The following WDPCP variants were observed in gnomAD, a reference collection of about 807,000 sequenced individuals.
WDPCP encodes the protein WD repeat containing planar cell polarity effector.
Under a neutral mutation model 93.1 loss-of-function variants are expected in WDPCP, and 71 were observed. That is an observed-to-expected ratio of 0.76 (90% confidence interval 0.63 to 0.93). WDPCP has a LOEUF of 0.93. Ranked by LOEUF, WDPCP falls within the 40% of genes least tolerant of loss-of-function variation. The pLI, the probability that WDPCP is intolerant of heterozygous loss-of-function variation, is 0.00. For synonymous variants in WDPCP, 315 were observed against 315.0 expected (o/e 1.00, Z 0.00); for missense variants, 844 against 887.4 (o/e 0.95, Z 0.62).
chr2:63,280,173 C>A (rs1683419128), intron 13 of WDPCP, among the ~76,000 whole-genome samples: 2 of 152,104 alleles, frequency 1.3e-5, no homozygotes, highest in Admixed American at 1.3e-4. Flanking sequence ...TTGCATGCTG[C>A]TGATAAAGAC....
At chr2:63,177,934 G>T (rs1035507937) in intron 14 of WDPCP, among the ~76,000 whole-genome samples, 2 of 152,112 alleles carry the variant, frequency 1.3e-5, no homozygotes, top group African/African-American at 2.4e-5. Flanking sequence ...TAGCATGAAA[G>T]AACATCAAAT....
rs748526293 is a variant in WDPCP, at chr2:63,313,254, G to T, written c.1806C>A (p.Leu602=). 1 of 1,613,530 alleles carries T rather than the reference G, an allele frequency of 6.2e-7. No homozygotes were observed. Among genetic ancestry groups the T allele is most frequent in the East Asian group, 2.2e-5 (1 of 44,814 alleles). The change falls in exon 13 of 18, where the codon CTC becomes CTA. Residue 602 remains leucine, a synonymous_variant. Coordinates refer to ENST00000272321, the MANE Select transcript of WDPCP (RefSeq NM_015910.7). ...ATCTCTGAAAATGACTCACCATAAA[G>T]AGGTCACGAGCACCAACGTCAACAG... ...LLAVDVGARD[L]FMDIHYLALD...
chr2:63,124,092 A>C (rs1456856850), intron 17 of WDPCP, among the ~76,000 whole-genome samples: 1 of 150,622 alleles, frequency 6.6e-6, no homozygotes, highest in African/African-American at 2.4e-5. Flanking sequence ...GATAGGCATG[A>C]AGTTTTTTTT....
At chr2:63,378,552 C>A in intron 11 of WDPCP, 43 bp from the exon 12 acceptor site, 2 of 1,612,122 alleles carry the variant, frequency 1.2e-6, no homozygotes, top group Non-Finnish European at 1.7e-6. Context: ...AGTGAAAACT[C>A]CTTCAATTAC....
rs146632441 is a variant in WDPCP, at chr2:63,440,002, A to G, written c.385-131T>C. 5.4e-3 allele frequency: 3,628 copies of G among 667,350 alleles called. 29 individuals carry two copies. The highest frequency in any genetic ancestry group is 3.9e-3 in the Non-Finnish European group (1,476 of 377,160). 41.3% of individuals were successfully genotyped at this position (667,350 alleles called of 1,614,324 possible). A position where few individuals can be genotyped will look rare whatever the true frequency, so the allele number is the denominator to read the frequency against. On this transcript the variant is annotated intron_variant, in intron 6 of 17. Transcript: ENST00000272321. ...GCATCTACACTACAAAATTATAAAG[A>G]TTTTCTTCACTGAAAAACAATTACT...
At chr2:63,738,413 G>C (rs937433854) in intron 2 of WDPCP, among the ~76,000 whole-genome samples, 1 of 108,474 alleles carries the variant, frequency 9.2e-6, no homozygotes, top group Non-Finnish European at 2.3e-5. Flanking sequence ...TTGTTCAGGG[G>C]ACCACCCCCA....
chr2:63,537,395 G>A (rs1381871311), intron 1 of WDPCP, among the ~76,000 whole-genome samples: 1 of 152,118 alleles, frequency 6.6e-6, no homozygotes, highest in Middle Eastern at 3.2e-3. Context: ...ATTGTTGCCA[G>A]GGCAATTTTT....
intron 2 of WDPCP, among the ~76,000 whole-genome samples, chr2:63,711,964 C>T (rs1048986035): frequency 1.3e-5 from 2 of 152,032 alleles, no homozygotes; most frequent in Non-Finnish European, 2.9e-5. Flanking sequence ...GTGAGTATGG[C>T]AACATTTAAG....
chr2:63,297,982 A>G (rs6545986), intron 13 of WDPCP, among the ~76,000 whole-genome samples: 121,900 of 152,124 alleles, frequency 0.8, 49,709 homozygotes, highest in East Asian at 0.96. Context: ...ATCTATATCT[A>G]TTGTTGCCAC....
At chr2:63,622,931 G>A (rs974599023) in intron 3 of WDPCP, 14 of 993,630 alleles carry the variant, frequency 1.4e-5, no homozygotes, top group Non-Finnish European at 2.1e-5. Context: ...GCGCACACCT[G>A]CTGCCAGGCT....
chr2:63,145,281 TAG>T (rs1671405494), intron 17 of WDPCP, among the ~76,000 whole-genome samples: 1 of 151,212 alleles, frequency 6.6e-6, no homozygotes, highest in South Asian at 2.1e-4. Context: ...TGTAGTAATA[TAG>T]AGAGGGACCA....
chr2:63,224,132 G>A (rs1222231012), intron 14 of WDPCP, among the ~76,000 whole-genome samples: 1 of 151,936 alleles, frequency 6.6e-6, no homozygotes, highest in Non-Finnish European at 1.5e-5. Context: ...ATAAGCATAG[G>A]AAAAGATACG....
At chr2:63,624,667 C>G (rs900520899) in intron 3 of WDPCP, among the ~76,000 whole-genome samples, 3 of 152,144 alleles carry the variant, frequency 2.0e-5, no homozygotes, top group Non-Finnish European at 2.9e-5. Context: ...ATAACAAATT[C>G]TGAAATTCAG....
intron 2 of WDPCP, among the ~76,000 whole-genome samples, chr2:63,800,778 C>T (rs1180282310): frequency 2.6e-5 from 4 of 152,180 alleles, no homozygotes; most frequent in African/African-American, 9.7e-5. Context: ...ACAGGCCAGG[C>T]ATCATGGCTC....
intron 10 of WDPCP, among the ~76,000 whole-genome samples, chr2:63,396,437 G>A (rs569478414): frequency 4.6e-5 from 7 of 152,224 alleles, no homozygotes; most frequent in African/African-American, 1.7e-4. Context: ...ATTACCTCTT[G>A]TTTAACATCA....
chr2:63,492,546 C>G (rs1357014323), intron 2 of WDPCP, among the ~76,000 whole-genome samples: 1 of 151,636 alleles, frequency 6.6e-6, no homozygotes, highest in Admixed American at 6.6e-5. Flanking sequence ...GCTCTGTCAC[C>G]TGGGCTAGAG....
Position 63,608,796 on chromosome 2 carries a change from C to T in WDPCP, n.488+41863G>A, listed in dbSNP as rs78402418. The stretch of plus-strand genomic sequence containing the variant: ...CTGCACTCCAGCCTAGGCAACAGAG[C>T]GAGACCATCTCCTTTTTAAAAAATT... On this transcript the variant is annotated intron_variant and non_coding_transcript_variant, in intron 3 of 4. Coordinates refer to the WDPCP transcript ENST00000467687. Among the ~76,000 whole-genome samples, 347 of 151,576 alleles carry T rather than the reference C, an allele frequency of 2.3e-3. 1 individual carries two copies. Among genetic ancestry groups the T allele is most frequent in the Middle Eastern group, 0.01 (3 of 294 alleles).
intron 6 of WDPCP, among the ~76,000 whole-genome samples, chr2:63,469,172 G>T (rs1007179447): frequency 6.6e-6 from 1 of 152,138 alleles, no homozygotes; most frequent in South Asian, 2.1e-4. Flanking sequence ...AGTCAGAATG[G>T]CTATTACTAA....
At chr2:63,655,520 T>C (rs1024184336) in intron 2 of WDPCP, among the ~76,000 whole-genome samples, 2 of 152,154 alleles carry the variant, frequency 1.3e-5, no homozygotes, top group Non-Finnish European at 2.9e-5. Flanking sequence ...CAGTACATGA[T>C]AATTTTCTTA....
Sources: gnomAD v4.1 joint callset for allele counts (sites outside exome capture counted in the v4.1 genomes callset) on GRCh38, gnomAD v4.1.1 for gene constraint, MANE v1.5 for transcripts, NCBI Gene and HGNC (gene_info 2026-07-23, HGNC 2026-07-21) for gene names.